The following ENTREP2 variants were observed in gnomAD, a reference collection of about 807,000 sequenced individuals.
ENTREP2 encodes endosomal transmembrane epsin interactor 2.
At chr15:29,552,582 A>G in the ENTREP2 span, among the ~76,000 whole-genome samples, 1 of 152,178 alleles carries the variant, frequency 6.6e-6, no homozygotes, top group Admixed American at 6.5e-5. Flanking sequence ...AATAATAATA[A>G]TAACAAAAAA....
At chr15:29,662,726 T>G in the ENTREP2 span, among the ~76,000 whole-genome samples, 1 of 152,094 alleles carries the variant, frequency 6.6e-6, no homozygotes, top group African/African-American at 2.4e-5. Flanking sequence ...TTTTTCTTTT[T>G]TTTCTTTTTT....
At chr15:29,236,662 A>C in the ENTREP2 span, among the ~76,000 whole-genome samples, 58,373 of 151,956 alleles carry the variant, frequency 0.38, 11,606 homozygotes, top group East Asian at 0.6. Context: ...AATTTAAAAT[A>C]AAAAAAGAGA....
At chr15:29,605,221 C>T in the ENTREP2 span, among the ~76,000 whole-genome samples, 14 of 152,262 alleles carry the variant, frequency 9.2e-5, 1 homozygote, top group South Asian at 2.9e-3. Context: ...TTGTCAGGCT[C>T]TTTGAGAATA....
chr15:29,390,255 C>T, the ENTREP2 span, among the ~76,000 whole-genome samples: 4 of 152,164 alleles, frequency 2.6e-5, no homozygotes, highest in Non-Finnish European at 5.9e-5. Context: ...TTTTGCACCA[C>T]TCTCATGAGA....
the ENTREP2 span, among the ~76,000 whole-genome samples, chr15:29,258,286 G>C: frequency 6.6e-6 from 1 of 151,190 alleles, no homozygotes; most frequent in Non-Finnish European, 1.5e-5. Flanking sequence ...TAGAAGTTAC[G>C]GCAGTCCCAT....
At chr15:29,237,579 A>G in the ENTREP2 span, among the ~76,000 whole-genome samples, 2 of 152,204 alleles carry the variant, frequency 1.3e-5, no homozygotes, top group Non-Finnish European at 2.9e-5. Context: ...AATCATTAGT[A>G]ATCAGGGAAA....
chr15:29,130,371 T>A, the ENTREP2 span, among the ~76,000 whole-genome samples: 1 of 152,186 alleles, frequency 6.6e-6, no homozygotes, highest in Admixed American at 6.5e-5. Context: ...TAACCAGTCC[T>A]GGAAATCTCT....
the ENTREP2 span, among the ~76,000 whole-genome samples, chr15:29,672,565 C>T: frequency 2.6e-5 from 4 of 152,022 alleles, no homozygotes; most frequent in Non-Finnish European, 4.4e-5. Flanking sequence ...ATGGAGTCAC[C>T]ACACACGGTC....
chr15:29,567,678 C>T, the ENTREP2 span, among the ~76,000 whole-genome samples: 1 of 152,132 alleles, frequency 6.6e-6, no homozygotes, highest in Non-Finnish European at 1.5e-5. Flanking sequence ...ACACAAAACC[C>T]TGAGCACCAG....
At chr15:29,570,379 C>T in the ENTREP2 span, 1 of 487,700 alleles carries the variant, frequency 2.1e-6, no homozygotes, top group Non-Finnish European at 3.1e-6. Context: ...CGCGCTGCAG[C>T]TACTCGGCCC....
chr15:29,153,849 C>T, the ENTREP2 span, among the ~76,000 whole-genome samples: 4 of 152,168 alleles, frequency 2.6e-5, no homozygotes, highest in Non-Finnish European at 5.9e-5. Context: ...CTCTGTTGCC[C>T]AGGCTGGAGT....
At chr15:29,661,080 G>C in the ENTREP2 span, among the ~76,000 whole-genome samples, 1 of 152,160 alleles carries the variant, frequency 6.6e-6, no homozygotes, top group Non-Finnish European at 1.5e-5. Flanking sequence ...GATTTGTAAA[G>C]AATTCTCCAT....
At chr15:29,158,810 T>C in the ENTREP2 span, among the ~76,000 whole-genome samples, 2 of 151,948 alleles carry the variant, frequency 1.3e-5, no homozygotes, top group Non-Finnish European at 2.9e-5. Flanking sequence ...ATTAATGTTA[T>C]AAAGTTAAGG....
chr15:29,637,955 G>A, the ENTREP2 span, among the ~76,000 whole-genome samples: 1 of 152,184 alleles, frequency 6.6e-6, no homozygotes, highest in African/African-American at 2.4e-5. Flanking sequence ...TTGGCCAGGA[G>A]GATGCCCCAC....
the ENTREP2 span, among the ~76,000 whole-genome samples, chr15:29,195,656 C>G: frequency 6.6e-6 from 1 of 152,088 alleles, no homozygotes; most frequent in Non-Finnish European, 1.5e-5. Flanking sequence ...TCCCAAGTAG[C>G]TGGGACTACA....
chr15:29,468,177 A>T, the ENTREP2 span, among the ~76,000 whole-genome samples: 1 of 152,222 alleles, frequency 6.6e-6, no homozygotes, highest in African/African-American at 2.4e-5. Context: ...GATCGACTGT[A>T]AAGCCATAAA....
At chr15:29,361,370 C>T in the ENTREP2 span, among the ~76,000 whole-genome samples, 2 of 152,194 alleles carry the variant, frequency 1.3e-5, no homozygotes, top group Non-Finnish European at 2.9e-5. Flanking sequence ...GAATACTTGT[C>T]TTGGGCCAAT....
the ENTREP2 span, among the ~76,000 whole-genome samples, chr15:29,476,011 C>G: frequency 2.6e-5 from 4 of 152,350 alleles, no homozygotes; most frequent in African/African-American, 9.6e-5. Context: ...GAAAATGTGA[C>G]AGACCTGAAG....
At chr15:29,498,838 T>C in the ENTREP2 span, among the ~76,000 whole-genome samples, 1 of 152,196 alleles carries the variant, frequency 6.6e-6, no homozygotes. Context: ...CGTGGTCTGA[T>C]GTTGGGTACA....
Sources: allele counts gnomAD v4.1 joint callset (sites outside exome capture counted in the v4.1 genomes callset), GRCh38; gene constraint gnomAD v4.1.1; transcripts MANE v1.5; gene names NCBI Gene and HGNC (gene_info 2026-07-23, HGNC 2026-07-21).